SASH1: variants seen among roughly 807,000 people sequenced by gnomAD.
The protein encoded by SASH1 is SAM and SH3 domain containing 1, also known as SAM and SH3 domain-containing protein 1.
A neutral mutation model predicts 125.2 loss-of-function variants in SASH1; 44 were observed. The ratio of observed to expected loss-of-function variants is 0.35; its 90% CI spans 0.28 to 0.45. The LOEUF (loss-of-function observed/expected upper bound fraction) is 0.45. Among genes scored for constraint, SASH1 ranks in the 20% least tolerant of loss-of-function variants. The pLI is 1.00. For synonymous variants in SASH1, 639 were observed against 649.1 expected, an observed-to-expected ratio of 0.98 and a Z score of 0.24; for missense variants, 1,426 against 1,614.5, an observed-to-expected ratio of 0.88 and a Z score of 2.00.
intron 1 of SASH1, among the ~76,000 whole-genome samples, chr6:148,326,339 T>TGC (rs1188660675): frequency 3.9e-5 from 3 of 76,346 alleles, no homozygotes; most frequent in African/African-American, 1.4e-4. Context: ...TATATATATA[T>TGC]ATATATATAT....
At chr6:148,477,916 C>T (rs7769947) in intron 7 of SASH1, among the ~76,000 whole-genome samples, 94,096 of 151,580 alleles carry the variant, frequency 0.62, 29,319 homozygotes, top group East Asian at 0.72. Flanking sequence ...AGGCTGGTCT[C>T]GAACTCCTGA....
At chr6:148,352,099 C>G (rs1259931778) in intron 1 of SASH1, among the ~76,000 whole-genome samples, 1 of 152,170 alleles carries the variant, frequency 6.6e-6, no homozygotes, top group African/African-American at 2.4e-5. Context: ...TTGAACATCT[C>G]TTAGAAAACT....
At chr6:148,423,003 A>G (rs760775311) in intron 2 of SASH1, among the ~76,000 whole-genome samples, 5 of 152,144 alleles carry the variant, frequency 3.3e-5, no homozygotes, top group Non-Finnish European at 7.3e-5. Flanking sequence ...CAGTGGCGTG[A>G]TCTCGGCTTA....
At chr6:148,506,001 G>C (rs12202616) in intron 8 of SASH1, among the ~76,000 whole-genome samples, 63,372 of 149,332 alleles carry the variant, frequency 0.42, 13,773 homozygotes, top group Middle Eastern at 0.49. Context: ...GATCTCCTGA[G>C]CTCGTGATCT....
At chr6:148,449,839 A>T (rs1777011907) in intron 4 of SASH1, among the ~76,000 whole-genome samples, 1 of 152,192 alleles carries the variant, frequency 6.6e-6, no homozygotes. Context: ...ATATGTGTGA[A>T]GAGCCAGGAC....
At chr6:148,321,261 C>CATGCCTGTA (rs1355529707) in intron 1 of SASH1, among the ~76,000 whole-genome samples, 1 of 152,012 alleles carries the variant, frequency 6.6e-6, no homozygotes, top group African/African-American at 2.4e-5. Context: ...CGTGGTGGCG[C>CATGCCTGTA]ATGCCTGTAA....
intron 1 of SASH1, among the ~76,000 whole-genome samples, chr6:148,314,679 C>T (rs1780433967): frequency 6.6e-6 from 1 of 151,870 alleles, no homozygotes; most frequent in Admixed American, 6.6e-5. Context: ...GTCTTTAGTT[C>T]AAGAGGAGGG....
At chr6:148,296,079 C>A (rs1395943802) in intron 1 of SASH1, among the ~76,000 whole-genome samples, 5 of 151,992 alleles carry the variant, frequency 3.3e-5, no homozygotes, top group Admixed American at 6.6e-5. Flanking sequence ...TGTTAAAAAG[C>A]AAATTTCTAT....
At position 148,357,010 on chromosome 6, in the gene SASH1, T is replaced by G. The variant is rs192848256; in HGVS notation, c.156+13787T>G. On this transcript the variant is annotated intron_variant, in intron 1 of 19. Coordinates refer to ENST00000367467, the MANE Select transcript of SASH1 (RefSeq NM_015278.5). Reference sequence around the variant, plus strand: ...TTTTGAGAATTGTCTATTCATGTACTTAGCCCACTTTTTGATGGGATTATT... The same window carrying G: ...TTTTGAGAATTGTCTATTCATGTACGTAGCCCACTTTTTGATGGGATTATT... 1.4e-4 allele frequency among the ~76,000 whole-genome samples: 22 copies of G among 152,370 alleles called. No homozygotes were observed. The East Asian group carries it at 3.7e-3, about 25-fold the overall frequency.
In SASH1 at chr6:148,305,183, G is replaced by A. The variant is rs571292509; in HGVS notation, n.74+32806G>A. Reference sequence around the variant, plus strand: ...TTCTCATTAACATTCCTGGGCTGAGGCTCATTTCCTCAAGTTCTTTGCGTC... The same window carrying A: ...TTCTCATTAACATTCCTGGGCTGAGACTCATTTCCTCAAGTTCTTTGCGTC... On this transcript the variant is annotated intron_variant and non_coding_transcript_variant, in intron 1 of 3. Transcript: ENST00000367469. 4.6e-5 allele frequency among the ~76,000 whole-genome samples: 7 copies of A among 152,294 alleles called. 1 individual carries two copies. In the South Asian group the frequency reaches 1.5e-3, roughly 32 times the overall value.
chr6:148,478,377 A>G (rs1392531651), intron 7 of SASH1, among the ~76,000 whole-genome samples: 2 of 152,232 alleles, frequency 1.3e-5, no homozygotes, highest in African/African-American at 4.8e-5. Context: ...ATTTACAACA[A>G]CATGGATAGA....
chr6:148,514,723 AG>A (rs753125748), intron 9 of SASH1, among the ~76,000 whole-genome samples: 4 of 134,662 alleles, frequency 3.0e-5, no homozygotes, highest in Admixed American at 7.3e-5. Flanking sequence ...AATTTTCTCG[AG>A]GTGTAGTATA....
At chr6:148,405,525 C>T (rs1038917839) in intron 2 of SASH1, among the ~76,000 whole-genome samples, 1 of 152,064 alleles carries the variant, frequency 6.6e-6, no homozygotes, top group African/African-American at 2.4e-5. Flanking sequence ...TCTCCCTTTC[C>T]ATCTGTTCCT....
chr6:148,486,935 A>G (rs1778872054), intron 7 of SASH1, among the ~76,000 whole-genome samples: 1 of 51,978 alleles, frequency 1.9e-5, no homozygotes, highest in African/African-American at 7.4e-5. Context: ...CAACAACAAC[A>G]AATATATATA....
the SASH1 span, among the ~76,000 whole-genome samples, chr6:148,217,087 C>T: frequency 1.3e-5 from 2 of 152,140 alleles, no homozygotes; most frequent in African/African-American, 4.8e-5. Flanking sequence ...CCGCTAGAGA[C>T]TTAGGTTAGG....
At chr6:148,277,067 A>G (rs1365802793) in intron 1 of SASH1, among the ~76,000 whole-genome samples, 1 of 152,160 alleles carries the variant, frequency 6.6e-6, no homozygotes, top group Non-Finnish European at 1.5e-5. Flanking sequence ...AAAAATCCCT[A>G]TTTTACTGAT....
chr6:148,294,742 G>T (rs776195211), intron 1 of SASH1, among the ~76,000 whole-genome samples: 1 of 152,138 alleles, frequency 6.6e-6, no homozygotes, highest in Non-Finnish European at 1.5e-5. Context: ...AAGGAGGAAC[G>T]AGAGGGGAGC....
the SASH1 span, among the ~76,000 whole-genome samples, chr6:148,266,778 A>T: frequency 7.7e-5 from 11 of 142,040 alleles, no homozygotes; most frequent in Admixed American, 2.8e-4. Context: ...TTTTTTTTTA[A>T]TTTTTTTTTT....
chr6:148,496,347 A>C (rs1033350693), intron 8 of SASH1, among the ~76,000 whole-genome samples: 14 of 152,210 alleles, frequency 9.2e-5, no homozygotes, highest in African/African-American at 3.4e-4. Flanking sequence ...GGTTCTACTT[A>C]TTAAAGCTCT....
Sources: allele counts gnomAD v4.1 joint callset (sites outside exome capture counted in the v4.1 genomes callset), GRCh38; gene constraint gnomAD v4.1.1; transcripts MANE v1.5; gene names NCBI Gene and HGNC (gene_info 2026-07-23, HGNC 2026-07-21).